MOSPD2: variants seen among roughly 807,000 people sequenced by gnomAD.
MOSPD2 encodes the protein motile sperm domain containing 2.
MOSPD2 carries 5 observed loss-of-function variants against 41.7 expected under a neutral mutation model. The ratio of observed to expected loss-of-function variants is 0.12; its 90% CI spans 0.06 to 0.25. The LOEUF (loss-of-function observed/expected upper bound fraction) is 0.25, where lower values mean the gene tolerates loss of function less well. Ranked by LOEUF, MOSPD2 falls within the 10% of genes least tolerant of loss-of-function variation. The probability of loss-of-function intolerance (pLI) is 1.00; values close to 1 mark genes in which losing one functional copy is unlikely to be tolerated. For synonymous variants in MOSPD2, 115 were observed against 126.9 expected (o/e 0.91, Z 0.63); for missense variants, 282 against 375.2 (o/e 0.75, Z 2.05).
chrX:14,919,741 C>G lies in MOSPD2; in HGVS notation c.1489C>G (p.Leu497Val), dbSNP rs149352938. The change falls in exon 15 of 15, where the codon CTG (leucine) becomes GTG (valine). Residue 497 changes from leucine (L) to valine (V), a missense_variant. Physicochemically the swap from Leu to Val is conservative, Grantham distance 32. Around this residue, in one of 3 missense-constraint regions of MOSPD2, gnomAD observed 94 missense variants for 102.1 expected, o/e 0.92. Coordinates refer to ENST00000380492, the MANE Select transcript of MOSPD2 (RefSeq NM_152581.4). ...QVQRCIWFQQ[L>V]LLSLTMLLLA... ...TCAGCGTTGTATCTGGTTCCAGCAG[C>G]TGCTGCTTTCCTTAACAATGCTCTT... 6.2e-5 allele frequency: 75 copies of G among 1,209,512 alleles called. No homozygotes were observed. The East Asian group carries it at 9.8e-4, about 16-fold the overall frequency.
Position 14,921,358 on chromosome X carries a change from A to C in MOSPD2, c.*1549A>C, listed in dbSNP as rs2092609334. 2 of 935,296 alleles carry C rather than the reference A, an allele frequency of 2.1e-6. No individual in the cohort carries two copies. Among genetic ancestry groups the C allele is most frequent in the Non-Finnish European group, 2.6e-6 (2 of 755,298 alleles). The allele number at this position is 935,296 out of a possible 1,213,427, so 77.1% of individuals were successfully genotyped here. A position where few individuals can be genotyped will look rare whatever the true frequency, so the allele number is the denominator to read the frequency against. Reference sequence around the variant, plus strand: ...GGACACTGGTGTGCTACTTTGTCTTAATTTGGGCTTTTCTGTTTCAGTTTG... The same window carrying C: ...GGACACTGGTGTGCTACTTTGTCTTCATTTGGGCTTTTCTGTTTCAGTTTG... On this transcript the variant is annotated 3_prime_UTR_variant, in exon 15 of 15. Coordinates refer to ENST00000380492, the MANE Select transcript of MOSPD2 (RefSeq NM_152581.4).
In MOSPD2 at chrX:14,910,035, T is replaced by C. The variant is rs12687551; in HGVS notation, c.702+1051T>C. On this transcript the variant is annotated intron_variant, in intron 8 of 14. Coordinates refer to ENST00000380492, the MANE Select transcript of MOSPD2 (RefSeq NM_152581.4). ...AACATTTTAAATAATGTTAATTTTATGTATAGAAACGGTTATTTTATTTCC... is the reference window on the plus strand; with the variant it reads ...AACATTTTAAATAATGTTAATTTTACGTATAGAAACGGTTATTTTATTTCC... Among the ~76,000 whole-genome samples the C allele has an allele frequency of 5.2e-3, 573 of 111,170 alleles. 8 individuals carry two copies. The highest frequency in any genetic ancestry group is 0.038 in the Admixed American group (396 of 10,366).
At chrX:14,887,111 A>G (rs2092543011) in intron 2 of MOSPD2, among the ~76,000 whole-genome samples, 1 of 112,404 alleles carries the variant, frequency 8.9e-6, no homozygotes, top group African/African-American at 3.2e-5. Context: ...GCTCAGAGTC[A>G]TGGAGAAATA....
At chrX:14,885,902 G>A (rs1385396412) in intron 2 of MOSPD2, among the ~76,000 whole-genome samples, 1 of 111,785 alleles carries the variant, frequency 8.9e-6, no homozygotes, top group Non-Finnish European at 1.9e-5. Flanking sequence ...GTTTATTAGT[G>A]AAGTTCTGGG....
intron 7 of MOSPD2, among the ~76,000 whole-genome samples, chrX:14,905,988 G>C (rs1362748565): frequency 1.8e-5 from 2 of 111,657 alleles, no homozygotes; most frequent in Non-Finnish European, 3.8e-5. Context: ...AGGGCCGACT[G>C]TATTGTTAAG....
intron 3 of MOSPD2, among the ~76,000 whole-genome samples, chrX:14,894,955 T>C (rs1004398436): frequency 2.7e-5 from 3 of 112,255 alleles, no homozygotes; most frequent in African/African-American, 9.7e-5. Context: ...TTTTTTCTAC[T>C]AATTCTGAGG....
intron 3 of MOSPD2, 122 bp from the exon 4 acceptor site, chrX:14,895,186 T>C: frequency 2.1e-6 from 1 of 468,012 alleles, no homozygotes; most frequent in Non-Finnish European, 3.7e-6. Flanking sequence ...TTTTTTTGAA[T>C]GTTTGGGTAC....
At chrX:14,911,461 C>A in intron 9 of MOSPD2, 48 bp downstream of exon 9, 2 of 960,569 alleles carry the variant, frequency 2.1e-6, no homozygotes, top group East Asian at 3.3e-5. Context: ...GTGGTCTATC[C>A]CCAATTCTGA....
At chrX:14,901,184 C>A (rs1173468041) in intron 6 of MOSPD2, among the ~76,000 whole-genome samples, 1 of 111,424 alleles carries the variant, frequency 9.0e-6, no homozygotes, top group African/African-American at 3.3e-5. Context: ...TGTGACTATT[C>A]CATTAATTAC....
chrX:14,873,946 G>A (rs1008719314), intron 2 of MOSPD2, 188 bp downstream of exon 2: 16 of 462,590 alleles, frequency 3.5e-5, no homozygotes, highest in Admixed American at 3.4e-4. Context: ...ATGGTCAAGT[G>A]GTGTGTCCCA....
At chrX:14,919,615 C>T (rs1209992162) in intron 14 of MOSPD2, 57 bp from the exon 15 acceptor site, 3 of 911,796 alleles carry the variant, frequency 3.3e-6, no homozygotes, top group Non-Finnish European at 4.7e-6. Flanking sequence ...TTTGTCATGC[C>T]CATGATTAAT....
chrX:14,899,563 CAT>C (rs2092569156), intron 5 of MOSPD2, among the ~76,000 whole-genome samples: 1 of 74,457 alleles, frequency 1.3e-5, no homozygotes, highest in African/African-American at 5.6e-5. Context: ...ATATTATATA[CAT>C]ACACACACAC....
Position 14,916,399 on chromosome X carries a change from A to G in MOSPD2, c.1316+73A>G. ...AAAGAGAAAAGTGCCTCCATGGACC[A>G]GGTGGCCTCCCTTTCTTCTTGCATC... On this transcript the variant is annotated intron_variant, in intron 13 of 14. Transcript: ENST00000380492. The G allele has an allele frequency of 2.5e-6, 3 of 1,181,261 alleles. No individual in the cohort carries two copies. In the South Asian group the frequency reaches 5.6e-5, roughly 22 times the overall value.
intron 3 of MOSPD2, among the ~76,000 whole-genome samples, 170 bp from the exon 4 acceptor site, chrX:14,895,138 T>C (rs961584741): frequency 1.3e-4 from 15 of 112,277 alleles, no homozygotes; most frequent in African/African-American, 4.9e-4. Flanking sequence ...TTAGTTTGTT[T>C]GCTTGGTAGG....
At chrX:14,917,163 C>G (rs749744194) in intron 13 of MOSPD2, among the ~76,000 whole-genome samples, 16 of 111,684 alleles carry the variant, frequency 1.4e-4, no homozygotes, top group African/African-American at 5.2e-4. Context: ...ATGATCTGGC[C>G]CCAAATGCCC....
rs199570710 is a variant in MOSPD2 at position 14,902,929 on chromosome X, C to T, written c.539-37C>T. 8 of 1,047,498 alleles carry T rather than the reference C, an allele frequency of 7.6e-6. No individual in the cohort carries two copies. The African/African-American group carries it at 1.1e-4, about 15-fold the overall frequency. 86.3% of individuals were successfully genotyped at this position (1,047,498 alleles called of 1,213,427 possible). A position where few individuals can be genotyped will look rare whatever the true frequency, so the allele number is the denominator to read the frequency against. The stretch of plus-strand genomic sequence containing the variant: ...TATGAGTGATATTATTATAGAGGTA[C>T]TGATTCACATTCAATGAATTTTTTT... On this transcript the variant is annotated intron_variant, in intron 6 of 14. Coordinates refer to ENST00000380492, the MANE Select transcript of MOSPD2 (RefSeq NM_152581.4).
intron 2 of MOSPD2, among the ~76,000 whole-genome samples, chrX:14,884,227 A>C (rs1315840564): frequency 8.9e-6 from 1 of 111,916 alleles, no homozygotes; most frequent in Non-Finnish European, 1.9e-5. Flanking sequence ...CACCAAAGGA[A>C]GCAGAGGGAT....
At chrX:14,905,398 C>T (rs1177743404) in intron 7 of MOSPD2, among the ~76,000 whole-genome samples, 1 of 111,483 alleles carries the variant, frequency 9.0e-6, no homozygotes, top group East Asian at 2.8e-4. Flanking sequence ...CCTCCCCCAC[C>T]ACCACCACAG....
Position 14,895,529 on chromosome X carries a change from G to T in MOSPD2, c.322+135G>T. The T allele has an allele frequency of 2.5e-5, 11 of 440,349 alleles. No individual in the cohort carries two copies. The South Asian group carries it at 4.2e-4, about 17-fold the overall frequency. The allele number at this position is 440,349 out of a possible 1,213,427, so 36.3% of individuals were successfully genotyped here. ...GTCTTCTGCAATGAGGGATTGGCAG[G>T]ACCATTTTTACAGAGTGTTAGATAC... On this transcript the variant is annotated intron_variant, in intron 4 of 14. Transcript: ENST00000380492.
Sources: gnomAD v4.1 joint callset for allele counts (sites outside exome capture counted in the v4.1 genomes callset) on GRCh38, gnomAD v4.1.1 for gene constraint, gnomAD v4.1.1 regional missense constraint, MANE v1.5 for transcripts, NCBI Gene and HGNC (gene_info 2026-07-23, HGNC 2026-07-21) for gene names.